The following ZFPM2 variants were observed in gnomAD, a reference collection of about 807,000 sequenced individuals.
The protein encoded by ZFPM2 is zinc finger protein ZFPM2.
Under a neutral mutation model 98.6 loss-of-function variants are expected in ZFPM2, and 20 were observed. The ratio of observed to expected loss-of-function variants is 0.20; its 90% CI spans 0.14 to 0.29. ZFPM2 has a LOEUF of 0.29. Ranked by LOEUF, ZFPM2 falls within the 10% of genes least tolerant of loss-of-function variation. ZFPM2 has a pLI of 1.00. For synonymous variants in ZFPM2, 518 were observed against 502.7 expected, an observed-to-expected ratio of 1.03 and a Z score of -0.41; for missense variants, 1,310 against 1,388.6, an observed-to-expected ratio of 0.94 and a Z score of 0.90.
At chr8:105,634,090 G>A (rs778669867) in intron 4 of ZFPM2, among the ~76,000 whole-genome samples, 156 bp from the exon 5 acceptor site, 4 of 152,104 alleles carry the variant, frequency 2.6e-5, no homozygotes, top group Non-Finnish European at 4.4e-5. Context: ...AGCTTCTGTC[G>A]TCTTAAAAAG....
intron 2 of ZFPM2, among the ~76,000 whole-genome samples, chr8:105,426,600 T>C (rs956017484): frequency 7.2e-5 from 11 of 152,138 alleles, no homozygotes; most frequent in Admixed American, 3.9e-4. Context: ...CTTAGGTAAA[T>C]CATATAGCCA....
intron 3 of ZFPM2, among the ~76,000 whole-genome samples, chr8:105,500,821 T>C (rs920657417): frequency 1.3e-5 from 2 of 152,180 alleles, no homozygotes; most frequent in African/African-American, 4.8e-5. Context: ...GAAATTCCAA[T>C]TTAAAGAATC....
intron 2 of ZFPM2, among the ~76,000 whole-genome samples, chr8:105,421,846 A>AGTTTGT (rs1811798483): frequency 6.6e-6 from 1 of 151,890 alleles, no homozygotes; most frequent in South Asian, 2.1e-4. Flanking sequence ...TGAGGTCAGG[A>AGTTTGT]GACCAGCCTG....
intron 1 of ZFPM2, among the ~76,000 whole-genome samples, chr8:105,416,858 C>T (rs1189022360): frequency 1.3e-5 from 2 of 152,096 alleles, no homozygotes; most frequent in Non-Finnish European, 2.9e-5. Flanking sequence ...AAGACTAGAT[C>T]ATAAGCATCT....
chr8:105,441,434 A>AAGAGAGAGAGAGAG (rs35365518), intron 2 of ZFPM2, among the ~76,000 whole-genome samples: 2 of 94,994 alleles, frequency 2.1e-5, no homozygotes, highest in African/African-American at 1.2e-4. Flanking sequence ...GAAAGAAAGA[A>AAGAGAGAGAGAGAG]AGAGAGAGAG....
intron 2 of ZFPM2, among the ~76,000 whole-genome samples, chr8:105,433,081 C>T (rs1402070343): frequency 6.6e-6 from 1 of 152,030 alleles, no homozygotes; most frequent in African/African-American, 2.4e-5. Context: ...TTTGGCAAGA[C>T]TCTGACTCAA....
intron 5 of ZFPM2, among the ~76,000 whole-genome samples, chr8:105,700,888 G>A (rs554480034): frequency 6.6e-6 from 1 of 152,234 alleles, no homozygotes; most frequent in East Asian, 1.9e-4. Context: ...ACTGCGCCCA[G>A]CCATCCCTAT....
Position 105,798,948 on chromosome 8 carries a change from G to A in ZFPM2, c.964G>A (p.Gly322Arg), listed in dbSNP as rs1167927332. 2 of 1,611,844 alleles carry A rather than the reference G, an allele frequency of 1.2e-6. No homozygotes were observed. Among genetic ancestry groups the A allele is most frequent in the East Asian group, 2.2e-5 (1 of 44,838 alleles). ...ALEMHLNSHS[G>R]VKMEEFLPPG... ...AGAAATGCACCTGAATTCACACAGT[G>A]GTAAATGCCCCTTTTGTTTCTTCTG... is the stretch of plus-strand genomic sequence containing the variant. Residue 322 changes from glycine to arginine, a missense_variant and splice_region_variant, in exon 7 of 8, where the codon GGA becomes AGA. Physicochemically the swap from Gly to Arg is moderately radical, Grantham distance 125 (BLOSUM62 -2). Coordinates refer to ENST00000407775, the MANE Select transcript of ZFPM2 (RefSeq NM_012082.4).
chr8:105,352,958 CA>C (rs1296205440), intron 1 of ZFPM2, among the ~76,000 whole-genome samples: 1 of 152,002 alleles, frequency 6.6e-6, no homozygotes, highest in African/African-American at 2.4e-5. Context: ...ACAACATTAG[CA>C]CATCAATATG....
intron 5 of ZFPM2, among the ~76,000 whole-genome samples, chr8:105,778,877 T>C (rs1813173345): frequency 6.6e-6 from 1 of 151,492 alleles, no homozygotes; most frequent in Non-Finnish European, 1.5e-5. Context: ...GAGAGCCTGA[T>C]TCACAGAAAC....
At chr8:105,568,198 A>G (rs1178093760) in intron 4 of ZFPM2, among the ~76,000 whole-genome samples, 1 of 152,080 alleles carries the variant, frequency 6.6e-6, no homozygotes, top group Non-Finnish European at 1.5e-5. Context: ...TTTCTCTAAT[A>G]GCACATTTCA....
intron 5 of ZFPM2, among the ~76,000 whole-genome samples, chr8:105,651,358 C>T (rs1004626273): frequency 3.3e-5 from 5 of 151,450 alleles, no homozygotes; most frequent in African/African-American, 4.9e-5. Context: ...ATCCCAGCTA[C>T]TTAGGAGGCT....
intron 3 of ZFPM2, among the ~76,000 whole-genome samples, chr8:105,480,793 C>T (rs959184686): frequency 1.1e-4 from 16 of 151,404 alleles, no homozygotes; most frequent in African/African-American, 2.9e-4. Flanking sequence ...CTCTGCCTCC[C>T]AGTCTGGAGT....
At chr8:105,594,924 A>T (rs1163846497) in intron 4 of ZFPM2, among the ~76,000 whole-genome samples, 1 of 152,146 alleles carries the variant, frequency 6.6e-6, no homozygotes, top group Non-Finnish European at 1.5e-5. Context: ...ACATAAACAT[A>T]TAACTATAGT....
chr8:105,334,159 T>TGTGTGTGG (rs1812284658), intron 1 of ZFPM2, among the ~76,000 whole-genome samples: 1 of 137,718 alleles, frequency 7.3e-6, no homozygotes, highest in African/African-American at 2.7e-5. Context: ...TGTGTGTGTG[T>TGTGTGTGG]GGTGGGGGGA....
chr8:105,600,052 T>C (rs1816059770), intron 4 of ZFPM2, among the ~76,000 whole-genome samples: 1 of 152,146 alleles, frequency 6.6e-6, no homozygotes, highest in Non-Finnish European at 1.5e-5. Flanking sequence ...ATTTTCATTT[T>C]ATAGTGAATT....
chr8:105,322,260 G>T (rs1812040554), intron 1 of ZFPM2, among the ~76,000 whole-genome samples: 3 of 152,048 alleles, frequency 2.0e-5, no homozygotes. Flanking sequence ...CAAAATTTAT[G>T]ACAGAAATGA....
chr8:105,799,914 G>GTCTT (rs747897015), intron 7 of ZFPM2, among the ~76,000 whole-genome samples: 1 of 152,128 alleles, frequency 6.6e-6, no homozygotes, highest in African/African-American at 2.4e-5. Context: ...TCAAGCTTTT[G>GTCTT]TCTTTGAACC....
intron 2 of ZFPM2, among the ~76,000 whole-genome samples, chr8:105,426,304 T>G (rs1339116812): frequency 6.6e-6 from 1 of 152,184 alleles, no homozygotes; most frequent in Non-Finnish European, 1.5e-5. Flanking sequence ...ATGACTTTGT[T>G]TTTTACCTTG....
Sources: gnomAD v4.1 joint callset for allele counts (sites outside exome capture counted in the v4.1 genomes callset) on GRCh38, gnomAD v4.1.1 for gene constraint, MANE v1.5 for transcripts, NCBI Gene and HGNC (gene_info 2026-07-23, HGNC 2026-07-21) for gene names.